Variants in SUZ12 observed in about 807,000 individuals in gnomAD.
SUZ12 encodes SUZ12 polycomb repressive complex 2 subunit.
SUZ12 carries 17 observed loss-of-function variants against 87.3 expected under a neutral mutation model. That is an observed-to-expected ratio of 0.19 (90% CI 0.13 to 0.29). The LOEUF is 0.29. Among genes scored for constraint, SUZ12 ranks in the 10% least tolerant of loss-of-function variants. The probability of loss-of-function intolerance (pLI) is 1.00; values close to 1 mark genes in which losing one functional copy is unlikely to be tolerated. For synonymous variants in SUZ12, 253 were observed against 312.4 expected, an observed-to-expected ratio of 0.81 and a Z score of 2.01; for missense variants, 526 against 912.2, an observed-to-expected ratio of 0.58 and a Z score of 5.45.
rs1386453436 is a variant in SUZ12, at chr17:31,999,168, A to G, written c.*165A>G. On this transcript the variant is annotated 3_prime_UTR_variant, in exon 16 of 16. Coordinates refer to ENST00000322652, the MANE Select transcript of SUZ12 (RefSeq NM_015355.4). Reference sequence around the variant, plus strand: ...TTGTATCAGGGTTCTACTTCACTTCATTATGCAGCATTACATGTATATCAC... The same window carrying G: ...TTGTATCAGGGTTCTACTTCACTTCGTTATGCAGCATTACATGTATATCAC... The G allele has an allele frequency of 3.8e-6, 2 of 520,332 alleles. No individual in the cohort carries two copies. The highest frequency in any genetic ancestry group is 6.6e-6 in the Non-Finnish European group (2 of 303,682). The allele number at this position is 520,332 out of a possible 1,614,324, so 32.2% of individuals were successfully genotyped here.
At chr17:31,988,238 A>G (rs1909515732) in intron 9 of SUZ12, 82 bp from the exon 10 acceptor site, 2 of 1,352,654 alleles carry the variant, frequency 1.5e-6, no homozygotes, top group African/African-American at 1.5e-5. Context: ...ACATTGACTT[A>G]TAATGAATTT....
chr17:31,982,391 G>A (rs1479918400), intron 8 of SUZ12, among the ~76,000 whole-genome samples: 1 of 152,178 alleles, frequency 6.6e-6, no homozygotes, highest in Non-Finnish European at 1.5e-5. Context: ...GCTGGGCGCG[G>A]TGGTTCACGC....
intron 4 of SUZ12, among the ~76,000 whole-genome samples, chr17:31,957,895 C>CTTTTTTTTTTT (rs1181314058): frequency 1.1e-5 from 1 of 91,332 alleles, no homozygotes; most frequent in African/African-American, 4.1e-5. Flanking sequence ...ACCTTTTGTC[C>CTTTTTTTTTTT]TTTTTTTTTT....
chr17:31,962,664 G>A (rs113614578), intron 4 of SUZ12, among the ~76,000 whole-genome samples: 25,494 of 148,414 alleles, frequency 0.17, no homozygotes, highest in African/African-American at 0.32. Flanking sequence ...ATAACAGACC[G>A]CAGCGAGTAA....
intron 4 of SUZ12, among the ~76,000 whole-genome samples, chr17:31,958,104 C>T (rs1051480571): frequency 6.6e-6 from 1 of 151,260 alleles, no homozygotes; most frequent in Non-Finnish European, 1.5e-5. Flanking sequence ...GGGGTTTCAC[C>T]GTGTTAGCCA....
At chr17:31,938,301 T>C (rs533470694) in intron 1 of SUZ12, among the ~76,000 whole-genome samples, 38 of 152,240 alleles carry the variant, frequency 2.5e-4, no homozygotes, top group Non-Finnish European at 5.3e-4. Flanking sequence ...AGGAATGTTA[T>C]ATCCTGATTG....
chr17:31,943,451 A>G (rs1249195782), intron 3 of SUZ12, among the ~76,000 whole-genome samples: 5 of 152,232 alleles, frequency 3.3e-5, no homozygotes. Flanking sequence ...TTTGTAATAC[A>G]GGCCTACAAA....
chr17:31,979,138 A>ATAGGAAAG (rs1908946508), intron 8 of SUZ12, among the ~76,000 whole-genome samples: 1 of 149,768 alleles, frequency 6.7e-6, no homozygotes. Flanking sequence ...ATTCAAAACG[A>ATAGGAAAG]TAGGAAAGTT....
chr17:31,995,223 A>G (rs1167900900), intron 13 of SUZ12, among the ~76,000 whole-genome samples: 1 of 152,250 alleles, frequency 6.6e-6, no homozygotes, highest in Non-Finnish European at 1.5e-5. Flanking sequence ...CTTTGTGAAT[A>G]TACATGAGTT....
chr17:31,960,232 A>T (rs1439863170), intron 4 of SUZ12, among the ~76,000 whole-genome samples: 8 of 151,216 alleles, frequency 5.3e-5, no homozygotes, highest in African/African-American at 1.7e-4. Flanking sequence ...TTTTTTTGAG[A>T]CGGGGTCTCG....
At position 31,999,106 on chromosome 17, in the gene SUZ12, C is replaced by T; in HGVS notation, c.*103C>T. ...TTTTTAATCATATGTTCCAAACAGGCACTGTTAGATGAAGTAAATGATTTC... is the reference window on the plus strand; with the variant it reads ...TTTTTAATCATATGTTCCAAACAGGTACTGTTAGATGAAGTAAATGATTTC... On this transcript the variant is annotated 3_prime_UTR_variant, in exon 16 of 16. Transcript: ENST00000322652. 2 of 971,492 alleles carry T rather than the reference C, an allele frequency of 2.1e-6. No homozygotes were observed. The highest frequency in any genetic ancestry group is 4.1e-5 in the South Asian group (2 of 48,624). 60.2% of individuals were successfully genotyped at this position (971,492 alleles called of 1,614,324 possible).
intron 15 of SUZ12, among the ~76,000 whole-genome samples, chr17:31,997,568 C>G (rs1910040506): frequency 6.7e-6 from 1 of 149,366 alleles, no homozygotes; most frequent in East Asian, 2.0e-4. Context: ...GAGGCTGAGG[C>G]ACTATAATCA....
At chr17:31,940,059 C>A (rs1032191971) in intron 1 of SUZ12, among the ~76,000 whole-genome samples, 3 of 152,176 alleles carry the variant, frequency 2.0e-5, no homozygotes, top group African/African-American at 4.8e-5. Flanking sequence ...TTGTAGAGAA[C>A]CTTCAGTATA....
intron 4 of SUZ12, among the ~76,000 whole-genome samples, chr17:31,963,106 A>G (rs1262602081): frequency 6.6e-6 from 1 of 152,244 alleles, no homozygotes; most frequent in Non-Finnish European, 1.5e-5. Flanking sequence ...TGAATTGCTT[A>G]TACAGAATAG....
At chr17:31,955,446 A>G (rs1051534755) in intron 4 of SUZ12, among the ~76,000 whole-genome samples, 1 of 151,950 alleles carries the variant, frequency 6.6e-6, no homozygotes, top group Admixed American at 6.6e-5. Context: ...CCATGCCTGG[A>G]TGATTTTGTA....
chr17:31,977,218 A>G (rs1320901678), intron 8 of SUZ12, among the ~76,000 whole-genome samples: 5 of 151,802 alleles, frequency 3.3e-5, no homozygotes, highest in African/African-American at 7.2e-5. Context: ...CAAGGCAGCA[A>G]TGAGCTATGA....
intron 3 of SUZ12, among the ~76,000 whole-genome samples, chr17:31,945,562 G>A (rs891184693): frequency 6.6e-5 from 10 of 152,134 alleles, no homozygotes; most frequent in African/African-American, 2.4e-4. Flanking sequence ...CCTTTTCGAT[G>A]ACCTTTTGAT....
At chr17:31,988,119 G>C (rs1210640211) in intron 9 of SUZ12, among the ~76,000 whole-genome samples, 7 of 152,060 alleles carry the variant, frequency 4.6e-5, no homozygotes, top group African/African-American at 1.7e-4. Context: ...TAGACAGCCT[G>C]TGCTCTCCAG....
chr17:31,946,073 T>C (rs1412068586), intron 3 of SUZ12, among the ~76,000 whole-genome samples: 1 of 152,192 alleles, frequency 6.6e-6, no homozygotes, highest in African/African-American at 2.4e-5. Flanking sequence ...TCAGTAACTC[T>C]AAAGGTAAAG....
Sources: gnomAD v4.1 joint callset for allele counts (sites outside exome capture counted in the v4.1 genomes callset) on GRCh38, gnomAD v4.1.1 for gene constraint, MANE v1.5 for transcripts, NCBI Gene and HGNC (gene_info 2026-07-23, HGNC 2026-07-21) for gene names.